The following MON1B variants were observed in gnomAD, a reference collection of about 807,000 sequenced individuals.
MON1B encodes the protein MON1 vesicular trafficking associated B.
Under a neutral mutation model 45.1 loss-of-function variants are expected in MON1B, and 26 were observed. The ratio of observed to expected loss-of-function variants is 0.58; its 90% CI spans 0.42 to 0.80. The LOEUF (loss-of-function observed/expected upper bound fraction) is 0.80. Ranked by LOEUF, MON1B falls within the 30% of genes least tolerant of loss-of-function variation. The probability of loss-of-function intolerance (pLI) is 0.00; values close to 1 mark genes in which losing one functional copy is unlikely to be tolerated. For missense variants in MON1B, 737 were observed against 754.5 expected (o/e 0.98, Z 0.27); for synonymous variants, 395 against 320.2 (o/e 1.23, Z -2.49).
rs995939709 is a variant in MON1B at position 77,191,394 on chromosome 16, G to C, written c.-10-82G>C. ...CCGTGGGGAAATGAGCAGTAGGAGT[G>C]TGTCCAAGGGGGCCTGACTCTATAA... On this transcript the variant is annotated intron_variant, in intron 1 of 5. Transcript: ENST00000248248. 27 of 1,579,102 alleles carry C rather than the reference G, an allele frequency of 1.7e-5. No homozygotes were observed. The African/African-American group carries it at 3.4e-4, about 20-fold the overall frequency.
rs1310309053 is a variant in MON1B at position 77,202,134 on chromosome 16, C to T, written c.*3826C>T. 3 of 151,988 alleles carry T rather than the reference C, an allele frequency of 2.0e-5. No individual in the cohort carries two copies. Among genetic ancestry groups the T allele is most frequent in the Non-Finnish European group, 2.9e-5 (2 of 67,994 alleles). The allele number at this position is 151,988 out of a possible 1,614,324, so 9.4% of individuals were successfully genotyped here. ...AGAAGAGGCAAAATGTTGAATGGCA[C>T]CTGAGGATCCTATATTCATATTGGA... On this transcript the variant is annotated 3_prime_UTR_variant, in exon 6 of 6. Transcript: ENST00000248248.
In MON1B at chr16:77,194,361, C is replaced by A; in HGVS notation, c.502C>A (p.Gln168Lys). 1 of 1,608,860 alleles carries A rather than the reference C, an allele frequency of 6.2e-7. No individual in the cohort carries two copies. Among genetic ancestry groups the A allele is most frequent in the Non-Finnish European group, 8.5e-7 (1 of 1,179,970 alleles). The change falls in exon 4 of 6, where the codon CAG becomes AAG. Residue 168 changes from glutamine to lysine, a missense_variant. Coordinates refer to ENST00000248248, the MANE Select transcript of MON1B (RefSeq NM_014940.4). The surrounding 1 kb of genome is among the most constrained non-coding windows in gnomAD (Gnocchi z 8.1). ...GGACCACAAGCTGGTGTTCCTACAA[C>A]AGGGCCCACTGTTGCTCGTGGCCAT... ...AEDHKLVFLQ[Q>K]GPLLLVAMSR... is the part of the protein sequence containing the mutation.
intron 2 of MON1B, 142 bp downstream of exon 2, chr16:77,191,775 C>T (rs921811177): frequency 1.1e-6 from 1 of 872,834 alleles, no homozygotes; most frequent in African/African-American, 1.7e-5. Flanking sequence ...AGGAGGAGGT[C>T]ACTGTGGACA....
chr16:77,193,147 G>A lies in MON1B; in HGVS notation c.149-304G>A, dbSNP rs1232553106. 1.3e-5 allele frequency among the ~76,000 whole-genome samples: 2 copies of A among 152,040 alleles called. No individual in the cohort carries two copies. The highest frequency in any genetic ancestry group is 2.9e-5 in the Non-Finnish European group (2 of 67,988). On this transcript the variant is annotated intron_variant, in intron 2 of 5. Coordinates refer to ENST00000248248, the MANE Select transcript of MON1B (RefSeq NM_014940.4). The surrounding 1 kb of genome is among the most constrained non-coding windows in gnomAD (Gnocchi z 5.0). ...GTCAATGGGGTGCTTTGAAGACTTT[G>A]GAATAACAGTGATTGAAAGGGAAGT... is the stretch of plus-strand genomic sequence containing the variant.
rs557773263 is a variant in MON1B at position 77,199,630 on chromosome 16, A to C, written c.*1322A>C. 78 of 916,296 alleles carry C rather than the reference A, an allele frequency of 8.5e-5. No individual in the cohort carries two copies. The highest frequency in any genetic ancestry group is 1.2e-4 in the Non-Finnish European group (76 of 610,736). The allele number at this position is 916,296 out of a possible 1,614,324, so 56.8% of individuals were successfully genotyped here. On this transcript the variant is annotated 3_prime_UTR_variant, in exon 6 of 6. Coordinates refer to ENST00000248248, the MANE Select transcript of MON1B (RefSeq NM_014940.4). Reference sequence around the variant, plus strand: ...TCTAATTTTTTTAAATAAAATGTTAAGCCTTTTGTTATTGAAGAAAAACAA... The same window carrying C: ...TCTAATTTTTTTAAATAAAATGTTACGCCTTTTGTTATTGAAGAAAAACAA...
Position 77,201,783 on chromosome 16 carries a change from G to A in MON1B, c.*3475G>A, listed in dbSNP as rs1052401972. 1 of 151,944 alleles carries A rather than the reference G, an allele frequency of 6.6e-6. No individual in the cohort carries two copies. Among genetic ancestry groups the A allele is most frequent in the Non-Finnish European group, 1.5e-5 (1 of 67,982 alleles). 9.4% of individuals were successfully genotyped at this position (151,944 alleles called of 1,614,324 possible). On this transcript the variant is annotated 3_prime_UTR_variant, in exon 6 of 6. Coordinates refer to ENST00000248248, the MANE Select transcript of MON1B (RefSeq NM_014940.4). ...GGCAGAAAAAAATTCTAATTTAAAT[G>A]TATTAAATTATAAGTTCTAATTTAA...
rs906740660 is a variant in MON1B at position 77,199,388 on chromosome 16, C to T, written c.*1080C>T. The T allele has an allele frequency of 4.7e-6, 7 of 1,505,230 alleles. No homozygotes were observed. The highest frequency in any genetic ancestry group is 2.5e-5 in the East Asian group (1 of 40,704). The allele number at this position is 1,505,230 out of a possible 1,614,324, so 93.2% of individuals were successfully genotyped here. ...CATGCGTGCTGAAAAGCCTTTCACC[C>T]TCACGTGGTTTCTTTTTTAACCAGT... On this transcript the variant is annotated 3_prime_UTR_variant, in exon 6 of 6. Transcript: ENST00000248248.
chr16:77,200,291 T>TATATATATATATATATACACAC lies in MON1B; in HGVS notation c.*1984_*1985insTATATATATATATATACACACA. 2.1e-3 allele frequency: 236 copies of TATATATATATATATATACACAC among 111,376 alleles called. 3 individuals carry two copies. Among genetic ancestry groups the TATATATATATATATATACACAC allele is most frequent in the African/African-American group, 7.5e-3 (222 of 29,718 alleles). 6.9% of individuals were successfully genotyped at this position (111,376 alleles called of 1,614,324 possible). On this transcript the variant is annotated 3_prime_UTR_variant, in exon 6 of 6. Coordinates refer to ENST00000248248, the MANE Select transcript of MON1B (RefSeq NM_014940.4). ...ATATATGTGTATATATATATATATA[T>TATATATATATATATATACACAC]ACACACACTAATCAGCCGGGCGCGG...
intron 5 of MON1B, among the ~76,000 whole-genome samples, chr16:77,195,939 G>C (rs925185393): frequency 6.6e-6 from 1 of 152,168 alleles, no homozygotes; most frequent in Non-Finnish European, 1.5e-5. Flanking sequence ...CAGTGTCTTT[G>C]ACTTTCCAGA....
In MON1B at chr16:77,194,788, G is replaced by A; in HGVS notation, c.929G>A (p.Trp310Ter). The A allele has an allele frequency of 3.1e-6, 5 of 1,613,824 alleles. No homozygotes were observed. The highest frequency in any genetic ancestry group is 1.7e-6 in the Non-Finnish European group (2 of 1,180,006). The change falls in exon 4 of 6, where the codon TGG becomes TAG. Residue 310 changes from tryptophan to a stop codon, truncating the protein, a stop_gained. Transcript: ENST00000248248. LOFTEE classifies it high-confidence loss of function. The surrounding 1 kb of genome is among the most constrained non-coding windows in gnomAD (Gnocchi z 8.1). ...GCTGACCTGCAGTTGCTGCTCGACT[G>A]GGTGGGTGCACCAGCCTTTGCGGCG... ...DPADLQLLLD[W>*]VGAPAFAAGE...
intron 5 of MON1B, among the ~76,000 whole-genome samples, chr16:77,196,818 T>C (rs2054669932): frequency 6.6e-6 from 1 of 152,136 alleles, no homozygotes; most frequent in Non-Finnish European, 1.5e-5. Context: ...ATTTATTGAA[T>C]TTTTAATTTT....
rs764404217 is a variant in MON1B, at chr16:77,194,307, C to T, written c.476-28C>T. On this transcript the variant is annotated intron_variant, in intron 3 of 5. Coordinates refer to ENST00000248248, the MANE Select transcript of MON1B (RefSeq NM_014940.4). This position sits in a 1 kb window ranked among gnomAD's most constrained non-coding sequence, Gnocchi z 8.1. The stretch of plus-strand genomic sequence containing the variant: ...CTGGTCATTCCTGATCCAGCTGTAC[C>T]CCCCCTTCTTACCCCTTCCTTCCCT... 1.3e-6 allele frequency: 2 copies of T among 1,577,976 alleles called. No individual in the cohort carries two copies. Among genetic ancestry groups the T allele is most frequent in the Non-Finnish European group, 8.6e-7 (1 of 1,160,124 alleles).
At chr16:77,192,167 A>C (rs1266214199) in intron 2 of MON1B, among the ~76,000 whole-genome samples, 1 of 152,156 alleles carries the variant, frequency 6.6e-6, no homozygotes, top group Non-Finnish European at 1.5e-5. Flanking sequence ...ATTTAATGGA[A>C]GTCACTGAGA....
intron 1 of MON1B, 61 bp from the exon 2 acceptor site, chr16:77,191,415 T>C: frequency 6.3e-7 from 1 of 1,576,370 alleles, no homozygotes. Context: ...GGCCTGACTC[T>C]ATAAAGGCTT....
rs2054639740 is a variant in MON1B, at chr16:77,194,112, G to A, written c.476-223G>A. ...CTCTACCCGCCTGCCCGTGGTCTTT[G>A]CTGTGTATCTAACCTACTTGTTCCT... is the stretch of plus-strand genomic sequence containing the variant. On this transcript the variant is annotated intron_variant, in intron 3 of 5. Transcript: ENST00000248248. The surrounding 1 kb of genome is among the most constrained non-coding windows in gnomAD (Gnocchi z 8.1). The A allele has an allele frequency of 1.6e-6, 1 of 623,452 alleles. No individual in the cohort carries two copies. Among genetic ancestry groups the A allele is most frequent in the South Asian group, 1.9e-5 (1 of 53,716 alleles). 38.6% of individuals were successfully genotyped at this position (623,452 alleles called of 1,614,324 possible).
chr16:77,195,787 T>A, intron 5 of MON1B, 105 bp downstream of exon 5: 1 of 1,417,198 alleles, frequency 7.1e-7, no homozygotes, highest in Non-Finnish European at 9.7e-7. Context: ...ACAGCAGGCC[T>A]CTGGCTGGGC....
rs759428978 is a variant in MON1B at position 77,194,192 on chromosome 16, C to A, written c.476-143C>A. The A allele has an allele frequency of 7.7e-6, 6 of 783,250 alleles. No homozygotes were observed. In the Admixed American group the frequency reaches 1.1e-4, roughly 14 times the overall value. 48.5% of individuals were successfully genotyped at this position (783,250 alleles called of 1,614,324 possible). A position where few individuals can be genotyped will look rare whatever the true frequency, so the allele number is the denominator to read the frequency against. Reference sequence around the variant, plus strand: ...TCCAGATTCCTCCAGCTTGTCCTTACCCCAGTCCAGGTGCCCACAGAGTGA... The same window carrying A: ...TCCAGATTCCTCCAGCTTGTCCTTAACCCAGTCCAGGTGCCCACAGAGTGA... On this transcript the variant is annotated intron_variant, in intron 3 of 5. Coordinates refer to ENST00000248248, the MANE Select transcript of MON1B (RefSeq NM_014940.4). This position sits in a 1 kb window ranked among gnomAD's most constrained non-coding sequence, Gnocchi z 8.1.
Position 77,198,631 on chromosome 16 carries a change from C to G in MON1B, c.*323C>G, listed in dbSNP as rs1388912387. On this transcript the variant is annotated 3_prime_UTR_variant, in exon 6 of 6. Coordinates refer to ENST00000248248, the MANE Select transcript of MON1B (RefSeq NM_014940.4). ...TCCCCTCCAAACTTGCTTCCGTGGT[C>G]TGCCTCCTAGTTGAATCTCAGCCCT... is the stretch of plus-strand genomic sequence containing the variant. 5.4e-6 allele frequency: 2 copies of G among 371,720 alleles called. No individual in the cohort carries two copies. Among genetic ancestry groups the G allele is most frequent in the East Asian group, 5.8e-5 (1 of 17,152 alleles). 23.0% of individuals were successfully genotyped at this position (371,720 alleles called of 1,614,324 possible).
Position 77,191,362 on chromosome 16 carries a change from T to C in MON1B, c.-11+104T>C. On this transcript the variant is annotated intron_variant, in intron 1 of 5. Transcript: ENST00000248248. ...GCATGATTTTGGATGTCTCGTCCTATTGAAATCCGTGGGGAAATGAGCAGT... is the reference window on the plus strand; with the variant it reads ...GCATGATTTTGGATGTCTCGTCCTACTGAAATCCGTGGGGAAATGAGCAGT... 2 of 1,574,316 alleles carry C rather than the reference T, an allele frequency of 1.3e-6. 1 individual carries two copies. Among genetic ancestry groups the C allele is most frequent in the South Asian group, 2.3e-5 (2 of 87,830 alleles).
Sources: gnomAD v4.1 joint callset for allele counts (sites outside exome capture counted in the v4.1 genomes callset) on GRCh38, gnomAD v4.1.1 for gene constraint, Gnocchi (gnomAD v3.1) non-coding constraint, MANE v1.5 for transcripts, NCBI Gene and HGNC (gene_info 2026-07-23, HGNC 2026-07-21) for gene names.